Variants in GLIS1 observed in about 807,000 individuals in gnomAD.
GLIS1 encodes the protein zinc finger protein GLIS1.
A neutral mutation model predicts 63.8 loss-of-function variants in GLIS1; 24 were observed. The ratio of observed to expected loss-of-function variants is 0.38; its 90% CI spans 0.27 to 0.53. GLIS1 has a LOEUF of 0.53. Ranked by LOEUF, GLIS1 falls within the 20% of genes least tolerant of loss-of-function variation. GLIS1 has a pLI of 0.85. For missense variants in GLIS1, 1,036 were observed against 1,074.1 expected (o/e 0.96, Z 0.50); for synonymous variants, 450 against 482.5 (o/e 0.93, Z 0.88).
Position 53,737,935 on chromosome 1 carries a change from C to G in GLIS1, c.130G>C (p.Gly44Arg), listed in dbSNP as rs797905. The G allele has an allele frequency of 1.0e-4, 125 of 1,229,938 alleles. 1 individual carries two copies. The East Asian group carries it at 3.7e-3, about 37-fold the overall frequency. The allele number at this position is 1,229,938 out of a possible 1,614,324, so 76.2% of individuals were successfully genotyped here. ...TCCCGCGGGCCCCTGTCCCCGCAGC[C>G]GCCGCCACTCACGGTGACCCTGAAG... ...MAFRVTVSGG[G>R]CGDRGPRDLL... The change falls in exon 2 of 11, where the codon GGC (glycine) becomes CGC (arginine). Residue 44 changes from glycine to arginine, a missense_variant. Coordinates refer to ENST00000628545, the MANE Select transcript of GLIS1 (RefSeq NM_001367484.1).
intron 6 of GLIS1, among the ~76,000 whole-genome samples, chr1:53,522,094 C>T (rs780498472): frequency 6.6e-6 from 1 of 152,244 alleles, no homozygotes; most frequent in Non-Finnish European, 1.5e-5. Flanking sequence ...AGCTGTTTTC[C>T]ATGTAAATTA....
intron 5 of GLIS1, among the ~76,000 whole-genome samples, chr1:53,525,481 AGT>A (rs1644458220): frequency 1.6e-5 from 1 of 63,678 alleles, no homozygotes; most frequent in African/African-American, 6.2e-5. Context: ...GAGGCTGGGG[AGT>A]CTGGCGGGGC....
intron 4 of GLIS1, among the ~76,000 whole-genome samples, chr1:53,571,501 G>A (rs1219678016): frequency 6.6e-6 from 1 of 152,182 alleles, no homozygotes; most frequent in African/African-American, 2.4e-5. Context: ...AATGATTAAA[G>A]TTTGAGTTAT....
intron 2 of GLIS1, among the ~76,000 whole-genome samples, chr1:53,710,116 C>A (rs1159039414): frequency 2.0e-5 from 3 of 152,162 alleles, no homozygotes; most frequent in African/African-American, 7.2e-5. Flanking sequence ...GGAAGAGGAG[C>A]CCCTTCTTTC....
intron 5 of GLIS1, among the ~76,000 whole-genome samples, chr1:53,529,554 T>A (rs1200736084): frequency 6.6e-6 from 1 of 151,642 alleles, no homozygotes; most frequent in Non-Finnish European, 1.5e-5. Context: ...CATCAGAGAG[T>A]TTTGGTTGTT....
chr1:53,725,442 C>T (rs1251018924), intron 2 of GLIS1, among the ~76,000 whole-genome samples: 1 of 152,248 alleles, frequency 6.6e-6, no homozygotes, highest in Middle Eastern at 3.4e-3. Flanking sequence ...CTCAGCAGAC[C>T]AAGGCTGGGT....
At chr1:53,682,199 C>A (rs945982807) in intron 2 of GLIS1, among the ~76,000 whole-genome samples, 1 of 152,224 alleles carries the variant, frequency 6.6e-6, no homozygotes, top group Admixed American at 6.5e-5. Flanking sequence ...CGCTCACCAC[C>A]GGACTCCGAC....
At chr1:53,577,350 G>C (rs1645042317) in intron 4 of GLIS1, among the ~76,000 whole-genome samples, 1 of 151,994 alleles carries the variant, frequency 6.6e-6, no homozygotes. Flanking sequence ...GCCCTCAACT[G>C]GGCTCCCCAC....
At chr1:53,719,028 G>A (rs1201882608) in intron 2 of GLIS1, among the ~76,000 whole-genome samples, 1 of 152,136 alleles carries the variant, frequency 6.6e-6, no homozygotes, top group African/African-American at 2.4e-5. Context: ...GCAGGCACCC[G>A]CATGCATCCC....
At chr1:53,734,492 T>C (rs1184029363) in intron 2 of GLIS1, among the ~76,000 whole-genome samples, 2 of 152,184 alleles carry the variant, frequency 1.3e-5, no homozygotes, top group Non-Finnish European at 2.9e-5. Context: ...GAATCAAATA[T>C]TTGCAGCTGG....
At chr1:53,589,978 C>T (rs1645172353) in intron 4 of GLIS1, among the ~76,000 whole-genome samples, 1 of 152,240 alleles carries the variant, frequency 6.6e-6, no homozygotes, top group African/African-American at 2.4e-5. Context: ...ACCCTACTGA[C>T]AGCAGAGGCT....
chr1:53,627,387 T>C (rs1177610720), intron 2 of GLIS1, among the ~76,000 whole-genome samples: 4 of 152,180 alleles, frequency 2.6e-5, no homozygotes, highest in Admixed American at 2.6e-4. Flanking sequence ...TATCTGCGCT[T>C]GTGGAGATGC....
Position 53,646,639 on chromosome 1 carries a change from G to A in GLIS1, c.260-46361C>T, listed in dbSNP as rs145766374. Among the ~76,000 whole-genome samples, 44 of 152,064 alleles carry A rather than the reference G, an allele frequency of 2.9e-4. No individual in the cohort carries two copies. Among genetic ancestry groups the A allele is most frequent in the African/African-American group, 9.2e-4 (38 of 41,448 alleles). On this transcript the variant is annotated intron_variant, in intron 2 of 10. Transcript: ENST00000628545. This position sits in a 1 kb window ranked among gnomAD's most constrained non-coding sequence, Gnocchi z 4.2. ...AGCCTGGCCAACATGGTAAAACCCC[G>A]TCTTGACTAAAAATACAAAACTTAG...
intron 2 of GLIS1, among the ~76,000 whole-genome samples, chr1:53,732,001 T>G (rs1384943955): frequency 2.0e-5 from 3 of 152,212 alleles, no homozygotes; most frequent in African/African-American, 7.2e-5. Flanking sequence ...ACGGCCCACT[T>G]GCAAAGATGC....
intron 2 of GLIS1, among the ~76,000 whole-genome samples, chr1:53,715,307 T>C (rs1646686459): frequency 6.6e-6 from 1 of 151,704 alleles, no homozygotes; most frequent in African/African-American, 2.4e-5. Flanking sequence ...AAGTCCAGAG[T>C]CCACCATGGG....
At chr1:53,733,619 G>A (rs532660972) in intron 2 of GLIS1, among the ~76,000 whole-genome samples, 4 of 152,134 alleles carry the variant, frequency 2.6e-5, no homozygotes, top group South Asian at 2.1e-4. Flanking sequence ...TTATATTTCC[G>A]CTACATGTCT....
intron 2 of GLIS1, among the ~76,000 whole-genome samples, chr1:53,679,784 C>T (rs1646255381): frequency 6.6e-6 from 1 of 152,214 alleles, no homozygotes. Context: ...CTGGAAAGCC[C>T]CTGTAGCATG....
intron 2 of GLIS1, among the ~76,000 whole-genome samples, chr1:53,628,121 C>A (rs1036645916): frequency 6.8e-6 from 1 of 147,312 alleles, no homozygotes; most frequent in Non-Finnish European, 1.5e-5. Flanking sequence ...CAGAGCCAGG[C>A]CTTTAGCCTT....
intron 2 of GLIS1, among the ~76,000 whole-genome samples, chr1:53,604,471 C>T (rs1241114015): frequency 2.0e-5 from 3 of 152,226 alleles, no homozygotes; most frequent in South Asian, 2.1e-4. Flanking sequence ...GCCAAGTCTG[C>T]GTGAGAGTGG....
Sources: gnomAD v4.1 joint callset for allele counts (sites outside exome capture counted in the v4.1 genomes callset) on GRCh38, gnomAD v4.1.1 for gene constraint, Gnocchi (gnomAD v3.1) non-coding constraint, MANE v1.5 for transcripts, NCBI Gene and HGNC (gene_info 2026-07-23, HGNC 2026-07-21) for gene names.